The following HYDIN variants were observed in gnomAD, a reference collection of about 807,000 sequenced individuals.
The protein encoded by HYDIN is HYDIN axonemal central pair apparatus protein, also known as axonemal central pair apparatus protein HYDIN.
In HYDIN, 132 loss-of-function variants were observed where a neutral mutation model predicts 403.9. That is an observed-to-expected ratio of 0.33 (90% CI 0.28 to 0.38). The LOEUF is 0.38. Among genes scored for constraint, HYDIN ranks in the 10% least tolerant of loss-of-function variants. The pLI, the probability that HYDIN is intolerant of heterozygous loss-of-function variation, is 1.00. For synonymous variants in HYDIN, 1,202 were observed against 1,891.7 expected (o/e 0.64, Z 9.46); for missense variants, 2,827 against 5,009.5 (o/e 0.56, Z 13.15).
Position 71,066,125 on chromosome 16 carries a change from T to A in HYDIN, c.2075+1165A>T, listed in dbSNP as rs76952556. ...AGCCTCTTTAGACCTTTTTTTTTTT[T>A]AATTTAGAATTTCCTATCGATAGCT... On this transcript the variant is annotated intron_variant, in intron 15 of 85. Coordinates refer to ENST00000393567, the MANE Select transcript of HYDIN (RefSeq NM_001270974.2). 5.9e-3 allele frequency among the ~76,000 whole-genome samples: 895 copies of A among 152,082 alleles called. 6 individuals carry two copies. Among genetic ancestry groups the A allele is most frequent in the African/African-American group, 0.02 (842 of 41,490 alleles).
rs1350498888 is a variant in HYDIN, at chr16:70,833,982, T to G, written c.13584A>C (p.Ser4528=). 5 of 1,611,424 alleles carry G rather than the reference T, an allele frequency of 3.1e-6. No homozygotes were observed. The highest frequency in any genetic ancestry group is 4.2e-6 in the Non-Finnish European group (5 of 1,178,622). The change falls in exon 79 of 86, where the codon TCA becomes TCC. Residue 4528 remains serine, a synonymous_variant. Transcript: ENST00000393567. ...LSGCCQALEI[S]LDQEHIPFGP... is the part of the protein sequence containing the mutation. ...CAAAGGGAATATGTTCCTGGTCCAG[T>G]GAGATCTCCAGGGCCTGGCAGCAGC... is the stretch of plus-strand genomic sequence containing the variant.
intron 75 of HYDIN, among the ~76,000 whole-genome samples, chr16:70,843,542 C>A (rs994085897): frequency 1.4e-5 from 2 of 141,424 alleles, no homozygotes; most frequent in African/African-American, 3.0e-5. Flanking sequence ...ATTTATAGTC[C>A]TTTGGGTATA....
intron 30 of HYDIN, among the ~76,000 whole-genome samples, chr16:70,976,183 G>T (rs1478768735): frequency 6.6e-6 from 1 of 152,248 alleles, no homozygotes; most frequent in East Asian, 1.9e-4. Context: ...CCTCTTACTT[G>T]AGACTAGCTA....
intron 23 of HYDIN, among the ~76,000 whole-genome samples, chr16:71,012,575 C>T (rs978926657): frequency 9.2e-5 from 14 of 152,230 alleles, no homozygotes; most frequent in African/African-American, 3.1e-4. Flanking sequence ...GTCACATGCA[C>T]ACATGTGCAT....
At chr16:71,187,014 A>G in intron 1 of HYDIN, 96 bp from the exon 2 acceptor site, 3 of 723,544 alleles carry the variant, frequency 4.1e-6, no homozygotes, top group Non-Finnish European at 6.8e-6. Flanking sequence ...AGGAAGGTTT[A>G]GAAAATACTG....
At chr16:71,190,512 G>A (rs1482355841) in intron 1 of HYDIN, among the ~76,000 whole-genome samples, 1 of 152,156 alleles carries the variant, frequency 6.6e-6, no homozygotes, top group African/African-American at 2.4e-5. Context: ...AGTATAAATT[G>A]CATTGTTGGT....
chr16:71,005,377 C>T (rs1457302483), intron 23 of HYDIN, among the ~76,000 whole-genome samples: 1 of 151,954 alleles, frequency 6.6e-6, no homozygotes, highest in Non-Finnish European at 1.5e-5. Flanking sequence ...AATTAGTGCC[C>T]TTATAAGAAG....
chr16:71,206,838 C>T (rs2088325274), intron 1 of HYDIN, among the ~76,000 whole-genome samples: 1 of 152,098 alleles, frequency 6.6e-6, no homozygotes, highest in Admixed American at 6.6e-5. Context: ...AGCTTGAAGA[C>T]CGACTTTCTG....
In HYDIN at chr16:71,186,789, A is replaced by G. The variant is rs774388094; in HGVS notation, c.107T>C (p.Val36Ala). ...SKVLPPLSPK[V>A]VTEEEVNRML... ...TCGGTTTACTTCTTCTTCTGTAACCACCTTTGGACTCAGGGGTGGCAAAAC... is the reference window on the plus strand; with the variant it reads ...TCGGTTTACTTCTTCTTCTGTAACCGCCTTTGGACTCAGGGGTGGCAAAAC... Residue 36 changes from valine to alanine, a missense_variant, in exon 2 of 86, where the codon GTG (valine) becomes GCG (alanine). Coordinates refer to ENST00000393567, the MANE Select transcript of HYDIN (RefSeq NM_001270974.2). The G allele has an allele frequency of 6.2e-7, 1 of 1,613,122 alleles. No individual in the cohort carries two copies. Among genetic ancestry groups the G allele is most frequent in the African/African-American group, 1.3e-5 (1 of 74,986 alleles).
At chr16:70,865,138 T>G in intron 67 of HYDIN, 1 of 291,790 alleles carries the variant, frequency 3.4e-6, no homozygotes, top group Non-Finnish European at 6.9e-6. Flanking sequence ...TTGTATGTGT[T>G]GCACATGTTG....
At chr16:71,215,577 A>AG (rs1180673699) in intron 1 of HYDIN, among the ~76,000 whole-genome samples, 1 of 151,850 alleles carries the variant, frequency 6.6e-6, no homozygotes, top group Admixed American at 6.6e-5. Context: ...CATTAAAAAA[A>AG]AAAATACTAG....
At chr16:71,108,274 C>T (rs997704438) in intron 10 of HYDIN, among the ~76,000 whole-genome samples, 2 of 152,026 alleles carry the variant, frequency 1.3e-5, no homozygotes, top group Non-Finnish European at 2.9e-5. Flanking sequence ...AAACTGCACA[C>T]GTACCCCTGA....
intron 8 of HYDIN, among the ~76,000 whole-genome samples, chr16:71,130,257 C>A (rs2084650776): frequency 6.6e-6 from 1 of 152,014 alleles, no homozygotes; most frequent in Non-Finnish European, 1.5e-5. Flanking sequence ...GAGCATAGAA[C>A]CTGGGGCCGG....
At chr16:70,869,768 CTGGTATAGTGAG>C (rs2039988630) in intron 65 of HYDIN, among the ~76,000 whole-genome samples, 1 of 151,332 alleles carries the variant, frequency 6.6e-6, no homozygotes, top group Non-Finnish European at 1.5e-5. Flanking sequence ...TAAATTGGTA[CTGGTATAGTGAG>C]TGGGCACTGC....
intron 1 of HYDIN, among the ~76,000 whole-genome samples, chr16:71,211,091 A>G (rs2088563831): frequency 6.6e-6 from 1 of 152,156 alleles, no homozygotes; most frequent in South Asian, 2.1e-4. Flanking sequence ...AACCTTCTCT[A>G]CCTTAGACTG....
In HYDIN at chr16:70,908,772, C is replaced by A; in HGVS notation, c.8094G>T (p.Lys2698Asn). The A allele has an allele frequency of 1.2e-6, 2 of 1,614,234 alleles. No individual in the cohort carries two copies. The highest frequency in any genetic ancestry group is 2.2e-5 in the East Asian group (1 of 44,884). The change falls in exon 48 of 86, where the codon AAG (lysine) becomes AAT (asparagine). Residue 2698 changes from lysine to asparagine, a missense_variant. Coordinates refer to ENST00000393567, the MANE Select transcript of HYDIN (RefSeq NM_001270974.2). ...IDQVFEIQKD[K>N]RHMALNRKVL... ...CCTTCCTGTTTAAGGCCATGTGACG[C>A]TTGTCTTTCTGAATCTCGAAGACTT... is the stretch of plus-strand genomic sequence containing the variant.
chr16:71,185,215 G>C (rs963351581), intron 2 of HYDIN, among the ~76,000 whole-genome samples: 4 of 152,060 alleles, frequency 2.6e-5, no homozygotes, highest in Admixed American at 6.6e-5. Flanking sequence ...TGTGTTTGCT[G>C]TTTCCTTATG....
chr16:71,219,209 T>A (rs201118945), intron 1 of HYDIN, among the ~76,000 whole-genome samples: 1 of 151,852 alleles, frequency 6.6e-6, no homozygotes, highest in African/African-American at 2.4e-5. Context: ...TTTAAAGAAA[T>A]AAAAACAGAC....
chr16:71,198,181 T>G (rs1266812819), intron 1 of HYDIN, among the ~76,000 whole-genome samples: 1 of 152,286 alleles, frequency 6.6e-6, no homozygotes, highest in East Asian at 1.9e-4. Context: ...TGTATCTATT[T>G]TATTATATAC....
Sources: allele counts gnomAD v4.1 joint callset (sites outside exome capture counted in the v4.1 genomes callset), GRCh38; gene constraint gnomAD v4.1.1; transcripts MANE v1.5; gene names NCBI Gene and HGNC (gene_info 2026-07-23, HGNC 2026-07-21).